The following PKP1 variants were observed in gnomAD, a reference collection of about 807,000 sequenced individuals.
PKP1 encodes the protein plakophilin 1.
PKP1 carries 27 observed loss-of-function variants against 76.4 expected under a neutral mutation model. The observed-to-expected ratio is 0.35, with a 90% confidence interval of 0.26 to 0.49. The LOEUF is 0.49. Among genes scored for constraint, PKP1 ranks in the 20% least tolerant of loss-of-function variants. PKP1 has a pLI of 0.99. For synonymous variants in PKP1, 404 were observed against 384.2 expected (o/e 1.05, Z -0.60); for missense variants, 964 against 955.2 (o/e 1.01, Z -0.12).
intron 2 of PKP1, among the ~76,000 whole-genome samples, chr1:201,297,721 C>G (rs963236252): frequency 1.3e-5 from 2 of 152,192 alleles, no homozygotes; most frequent in African/African-American, 4.8e-5. Context: ...ACACTAAACA[C>G]TAAAGTTTAG....
intron 2 of PKP1, among the ~76,000 whole-genome samples, chr1:201,300,155 C>T (rs1314220392): frequency 6.6e-6 from 1 of 152,246 alleles, no homozygotes; most frequent in African/African-American, 2.4e-5. Flanking sequence ...TGCCAAGGGA[C>T]AGAATGTGCC....
At chr1:201,301,077 G>A (rs1049629336) in intron 2 of PKP1, among the ~76,000 whole-genome samples, 3 of 152,168 alleles carry the variant, frequency 2.0e-5, no homozygotes, top group Admixed American at 2.0e-4. Context: ...GCTCCTCAGG[G>A]CCGAGTGAGC....
At position 201,330,526 on chromosome 1, in the gene PKP1, A is replaced by G. The variant is rs919705113; in HGVS notation, c.*485A>G. ...ACATGTGCTTTTTGGTGAGCTGCTC[A>G]TAATTCCTGAAATGTGTGGTGCCAG... is the stretch of plus-strand genomic sequence containing the variant. On this transcript the variant is annotated 3_prime_UTR_variant, in exon 14 of 14. Coordinates refer to ENST00000367324, the MANE Select transcript of PKP1 (RefSeq NM_001005337.3). 1 of 152,236 alleles carries G rather than the reference A, an allele frequency of 6.6e-6. No individual in the cohort carries two copies. The highest frequency in any genetic ancestry group is 2.4e-5 in the African/African-American group (1 of 41,450). 9.4% of individuals were successfully genotyped at this position (152,236 alleles called of 1,614,324 possible). A position where few individuals can be genotyped will look rare whatever the true frequency, so the allele number is the denominator to read the frequency against.
intron 2 of PKP1, among the ~76,000 whole-genome samples, chr1:201,297,918 G>T (rs1400941269): frequency 1.3e-5 from 2 of 152,048 alleles, no homozygotes; most frequent in African/African-American, 4.8e-5. Flanking sequence ...TTCAGGGCAG[G>T]GTTACCAGAT....
At chr1:201,312,611 G>A (rs148740710) in intron 2 of PKP1, among the ~76,000 whole-genome samples, 27 of 152,254 alleles carry the variant, frequency 1.8e-4, no homozygotes, top group Admixed American at 1.4e-3. Context: ...TGCACCATTC[G>A]TCATAAAGCC....
chr1:201,293,446 T>C (rs922021004), intron 1 of PKP1, among the ~76,000 whole-genome samples: 2 of 152,180 alleles, frequency 1.3e-5, no homozygotes. Context: ...GGAGGAAGTT[T>C]GGTCACTGGT....
chr1:201,332,482 T>G lies in PKP1; in HGVS notation c.*2441T>G, dbSNP rs985030238. 6.6e-6 allele frequency: 1 copy of G among 152,260 alleles called. No individual in the cohort carries two copies. Among genetic ancestry groups the G allele is most frequent in the Non-Finnish European group, 1.5e-5 (1 of 68,076 alleles). 9.4% of individuals were successfully genotyped at this position (152,260 alleles called of 1,614,324 possible). A position where few individuals can be genotyped will look rare whatever the true frequency, so the allele number is the denominator to read the frequency against. ...TTCCTAGAGAAAGAGAACAAGGAGCTTGCCAGGCTTCATGTAGCCGACACA... is the reference window on the plus strand; with the variant it reads ...TTCCTAGAGAAAGAGAACAAGGAGCGTGCCAGGCTTCATGTAGCCGACACA... On this transcript the variant is annotated 3_prime_UTR_variant, in exon 14 of 14. Transcript: ENST00000367324.
chr1:201,309,063 C>T (rs372851554), intron 2 of PKP1, among the ~76,000 whole-genome samples: 2 of 152,034 alleles, frequency 1.3e-5, no homozygotes, highest in African/African-American at 4.8e-5. Flanking sequence ...GGAGCTTTTC[C>T]AGCTTTGGGG....
intron 8 of PKP1, 37 bp from the exon 9 acceptor site, chr1:201,322,976 T>TC: frequency 1.9e-6 from 3 of 1,605,058 alleles, no homozygotes; most frequent in Non-Finnish European, 2.6e-6. Context: ...CTCACAAGGC[T>TC]CCCCATTGAC....
In PKP1 at chr1:201,331,744, G is replaced by A. The variant is rs1166223627; in HGVS notation, c.*1703G>A. 6.6e-6 allele frequency: 1 copy of A among 152,340 alleles called. No homozygotes were observed. The highest frequency in any genetic ancestry group is 1.5e-5 in the Non-Finnish European group (1 of 68,108). The allele number at this position is 152,340 out of a possible 1,614,324, so 9.4% of individuals were successfully genotyped here. On this transcript the variant is annotated 3_prime_UTR_variant, in exon 14 of 14. Transcript: ENST00000367324. ...GAGATGGGGGACGCCAGACATGTGA[G>A]GACGCTGTCCTCCGAGAGGTGTCCC...
chr1:201,320,696 G>A (rs987223841), intron 7 of PKP1, among the ~76,000 whole-genome samples: 11 of 152,232 alleles, frequency 7.2e-5, no homozygotes, highest in African/African-American at 2.7e-4. Context: ...TGAAAGGCTT[G>A]ATTAGTTAAT....
In PKP1 at chr1:201,318,795, G is replaced by T; in HGVS notation, c.1232G>T (p.Arg411Met). 6.3e-7 allele frequency: 1 copy of T among 1,595,810 alleles called. No homozygotes were observed. The highest frequency in any genetic ancestry group is 8.5e-7 in the Non-Finnish European group (1 of 1,171,580). Residue 411 changes from arginine to methionine, a missense_variant and splice_region_variant, in exon 6 of 14, where the codon AGG becomes ATG. Coordinates refer to ENST00000367324, the MANE Select transcript of PKP1 (RefSeq NM_001005337.3). The part of the protein sequence containing the change: ...EVFFNATGCL[R>M]NLSSADAGRQ... ...TTCTTCAATGCCACAGGCTGCTTGAGGTGAGAGAAGAGGATACATGGGGTC... is the reference window on the plus strand; with the variant it reads ...TTCTTCAATGCCACAGGCTGCTTGATGTGAGAGAAGAGGATACATGGGGTC...
chr1:201,306,721 C>T (rs1404584568), intron 2 of PKP1, among the ~76,000 whole-genome samples: 2 of 152,054 alleles, frequency 1.3e-5, no homozygotes, highest in South Asian at 2.1e-4. Flanking sequence ...CTCACCCAGG[C>T]TGGAGTGCAG....
chr1:201,318,437 G>T (rs767586626), intron 5 of PKP1, among the ~76,000 whole-genome samples, 181 bp from the exon 6 acceptor site: 37 of 152,290 alleles, frequency 2.4e-4, no homozygotes, highest in Non-Finnish European at 4.0e-4. Context: ...CTTCAGTCTG[G>T]TTGGGGCATT....
At chr1:201,287,702 G>A (rs962489254) in intron 1 of PKP1, among the ~76,000 whole-genome samples, 1 of 152,194 alleles carries the variant, frequency 6.6e-6, no homozygotes, top group African/African-American at 2.4e-5. Flanking sequence ...TGCAGCAAAT[G>A]CTGCTTCTCT....
chr1:201,296,393 G>A (rs1441642830), intron 2 of PKP1, among the ~76,000 whole-genome samples: 2 of 152,204 alleles, frequency 1.3e-5, no homozygotes, highest in Non-Finnish European at 2.9e-5. Flanking sequence ...AACTGGCACA[G>A]GACGATGTTA....
chr1:201,293,579 T>C (rs1215952307), intron 1 of PKP1, among the ~76,000 whole-genome samples: 2 of 152,184 alleles, frequency 1.3e-5, no homozygotes, highest in African/African-American at 4.8e-5. Context: ...CTTATCCTTG[T>C]GGAACATGGA....
chr1:201,311,265 G>A (rs868730593), intron 2 of PKP1, among the ~76,000 whole-genome samples: 1 of 152,178 alleles, frequency 6.6e-6, no homozygotes, highest in East Asian at 1.9e-4. Context: ...TGCAGGACAC[G>A]CATTCCATAC....
At chr1:201,316,527 C>T in intron 3 of PKP1, 26 bp from the exon 4 acceptor site, 1 of 1,586,692 alleles carries the variant, frequency 6.3e-7, no homozygotes. Flanking sequence ...CACCCCGTAA[C>T]CACCCCCACT....
Sources: allele counts gnomAD v4.1 joint callset (sites outside exome capture counted in the v4.1 genomes callset), GRCh38; gene constraint gnomAD v4.1.1; transcripts MANE v1.5; gene names NCBI Gene and HGNC (gene_info 2026-07-23, HGNC 2026-07-21).